CC2D1B: variants seen among roughly 807,000 people sequenced by gnomAD.
CC2D1B encodes coiled-coil and C2 domain containing 1B, also known as coiled-coil and C2 domain-containing protein 1B.
A neutral mutation model predicts 110.8 loss-of-function variants in CC2D1B; 92 were observed. The observed-to-expected ratio is 0.83, with a 90% CI of 0.70 to 0.99. The LOEUF is 0.99. Ranked by LOEUF, CC2D1B falls within the 50% of genes least tolerant of loss-of-function variation. The pLI is 0.00. For missense variants in CC2D1B, 1,136 were observed against 1,089.0 expected (o/e 1.04, Z -0.61); for synonymous variants, 406 against 429.2 (o/e 0.95, Z 0.67).
chr1:52,353,791 C>A (rs1015533207), intron 23 of CC2D1B, 144 bp from the exon 24 acceptor site: 1 of 597,392 alleles, frequency 1.7e-6, no homozygotes, highest in East Asian at 2.9e-5. Flanking sequence ...GAAAACCCTA[C>A]CCTCCCAGTA....
At position 52,353,580 on chromosome 1, in the gene CC2D1B, C is replaced by T. The variant is rs763563610; in HGVS notation, c.2498G>A (p.Ser833Asn). The change falls in exon 24 of 25, where the codon AGT becomes AAT. Residue 833 changes from serine (S) to asparagine (N), a missense_variant. Transcript: ENST00000284376. ...AGTGACCATCTGCACATCCTGGCCA[C>T]TCAGAGGCTCCCGCAGCCTCACCTT... ...EVKVRLREPL[S>N]GQDVQMVTEN... 6 of 1,614,004 alleles carry T rather than the reference C, an allele frequency of 3.7e-6. No individual in the cohort carries two copies. Among genetic ancestry groups the T allele is most frequent in the East Asian group, 2.2e-5 (1 of 44,876 alleles).
intron 24 of CC2D1B, 100 bp from the exon 25 acceptor site, chr1:52,353,323 T>TAGA: frequency 6.8e-7 from 1 of 1,473,914 alleles, no homozygotes; most frequent in Non-Finnish European, 9.0e-7. Flanking sequence ...AGATAGATAG[T>TAGA]TAAACCTTGG....
chr1:52,362,813 A>T, intron 2 of CC2D1B, 67 bp from the exon 3 acceptor site: 2 of 1,550,054 alleles, frequency 1.3e-6, no homozygotes, highest in East Asian at 2.3e-5. Context: ...CCAGAGCCAG[A>T]CTTGGGGCTC....
At chr1:52,358,170 T>C in intron 13 of CC2D1B, 161 bp downstream of exon 13, 1 of 1,041,690 alleles carries the variant, frequency 9.6e-7, no homozygotes, top group Non-Finnish European at 1.4e-6. Flanking sequence ...ATCCTAGTTC[T>C]GCTATTTCCT....
chr1:52,363,180 G>T (rs1646818112), intron 2 of CC2D1B, among the ~76,000 whole-genome samples: 1 of 151,634 alleles, frequency 6.6e-6, no homozygotes. Flanking sequence ...GGATCACGAG[G>T]TCAGGAGATG....
Position 52,359,735 on chromosome 1 carries a change from G to C in CC2D1B, c.912C>G (p.Asp304Glu). ...CAATCCTCATGAGCTCTCGGGCACG[G>C]TCTAGCTCTCCAGCCCGCTTGGCAC... ...ALSAKRAGEL[D>E]RARELMRIGK... is the part of the protein sequence containing the mutation. The change falls in exon 8 of 25, where the codon GAC (aspartate) becomes GAG (glutamate). Residue 304 changes from aspartate (D) to glutamate (E), a missense_variant. Physicochemically the swap from Asp to Glu is conservative, Grantham distance 45 (BLOSUM62 2). Transcript: ENST00000284376. 3 of 1,608,600 alleles carry C rather than the reference G, an allele frequency of 1.9e-6. No homozygotes were observed. Among genetic ancestry groups the C allele is most frequent in the Non-Finnish European group, 1.7e-6 (2 of 1,177,584 alleles).
chr1:52,362,084 A>G (rs1465701684), intron 3 of CC2D1B, among the ~76,000 whole-genome samples: 1 of 152,212 alleles, frequency 6.6e-6, no homozygotes, highest in Non-Finnish European at 1.5e-5. Context: ...CCAAGGCAGG[A>G]GCAGTGAGCC....
At chr1:52,361,845 C>T (rs1321621816) in intron 3 of CC2D1B, among the ~76,000 whole-genome samples, 1 of 152,224 alleles carries the variant, frequency 6.6e-6, no homozygotes, top group Non-Finnish European at 1.5e-5. Context: ...GCACCTCTGC[C>T]TACGGTAGCC....
At chr1:52,358,153 G>A in intron 13 of CC2D1B, 178 bp downstream of exon 13, 1 of 970,838 alleles carries the variant, frequency 1.0e-6, no homozygotes, top group Non-Finnish European at 1.5e-6. Flanking sequence ...GAAAGACCTT[G>A]GTTTGAATCC....
At position 52,358,845 on chromosome 1, in the gene CC2D1B, G is replaced by A. The variant is rs551667324; in HGVS notation, c.1258-87C>T. 35 of 1,462,678 alleles carry A rather than the reference G, an allele frequency of 2.4e-5. No homozygotes were observed. In the South Asian group the frequency reaches 4.2e-4, roughly 18 times the overall value. The allele number at this position is 1,462,678 out of a possible 1,614,324, so 90.6% of individuals were successfully genotyped here. On this transcript the variant is annotated intron_variant, in intron 11 of 24. Coordinates refer to ENST00000284376, the MANE Select transcript of CC2D1B (RefSeq NM_001330585.2). ...ATGACACACAGTGGGGCAAGGAGAGGGAGACTGGTGGGAAGACAGCAGCCC... is the reference window on the plus strand; with the variant it reads ...ATGACACACAGTGGGGCAAGGAGAGAGAGACTGGTGGGAAGACAGCAGCCC...
chr1:52,359,286 G>C lies in CC2D1B; in HGVS notation c.1090C>G (p.Gln364Glu). The change falls in exon 10 of 25, where the codon CAG becomes GAG. Residue 364 changes from glutamine (Q) to glutamate (E), a missense_variant. Physicochemically the swap from Gln to Glu is conservative, Grantham distance 29. Coordinates refer to ENST00000284376, the MANE Select transcript of CC2D1B (RefSeq NM_001330585.2). ...GGGACGTCAGGGGCCATCACTGGCTGCACTCGCTCCACGGCTGGGGGAATG... is the reference window on the plus strand; with the variant it reads ...GGGACGTCAGGGGCCATCACTGGCTCCACTCGCTCCACGGCTGGGGGAATG... ...SVIPPAVERV[Q>E]PVMAPDVPAT... 4 of 1,613,214 alleles carry C rather than the reference G, an allele frequency of 2.5e-6. No homozygotes were observed. The highest frequency in any genetic ancestry group is 3.4e-6 in the Non-Finnish European group (4 of 1,179,670).
At chr1:52,353,248 A>AAGTC (rs1646563951) in intron 24 of CC2D1B, 25 bp from the exon 25 acceptor site, 1 of 1,402,976 alleles carries the variant, frequency 7.1e-7, no homozygotes, top group Non-Finnish European at 9.5e-7. Flanking sequence ...AAAGCACAAG[A>AAGTC]AGTCAGTCTA....
Position 52,360,499 on chromosome 1 carries a change from GT to G in CC2D1B, c.527del (p.Asn176ThrfsTer25), listed in dbSNP as rs750357159. The G allele has an allele frequency of 6.2e-7, 1 of 1,614,144 alleles. No individual in the cohort carries two copies. Among genetic ancestry groups the G allele is most frequent in the South Asian group, 1.1e-5 (1 of 91,084 alleles). On this transcript the variant is annotated frameshift_variant, in exon 6 of 25. Coordinates refer to ENST00000284376, the MANE Select transcript of CC2D1B (RefSeq NM_001330585.2). LOFTEE classifies it high-confidence loss of function. ...TGGCACTGGCCGCAGCCTCTCGGTA[GT>G]TGTGAATCCGTTCCTCCAGCAAAGC... The part of the protein sequence containing the change: ...LHALLEERIH[N>X]YREAAASAKE...
At chr1:52,362,824 T>A in intron 2 of CC2D1B, 78 bp from the exon 3 acceptor site, 3 of 1,463,480 alleles carry the variant, frequency 2.0e-6, no homozygotes, top group Non-Finnish European at 1.9e-6. Context: ...CTTGGGGCTC[T>A]CCAAGTCCCA....
chr1:52,352,471 T>TA lies in CC2D1B; in HGVS notation c.*753dup, dbSNP rs1646546253. On this transcript the variant is annotated 3_prime_UTR_variant, in exon 25 of 25. Coordinates refer to ENST00000284376, the MANE Select transcript of CC2D1B (RefSeq NM_001330585.2). Reference sequence around the variant, plus strand: ...TTAGGACTTTGGTGGATACTCTGTATAGTTGAGTATAAAATCCCTACAATG... The same window carrying TA: ...TTAGGACTTTGGTGGATACTCTGTATAAGTTGAGTATAAAATCCCTACAATG... 1 of 152,644 alleles carries TA rather than the reference T, an allele frequency of 6.6e-6. No individual in the cohort carries two copies. The highest frequency in any genetic ancestry group is 2.4e-5 in the African/African-American group (1 of 41,454). The allele number at this position is 152,644 out of a possible 1,614,324, so 9.5% of individuals were successfully genotyped here. A position where few individuals can be genotyped will look rare whatever the true frequency, so the allele number is the denominator to read the frequency against.
rs757332239 is a variant in CC2D1B at position 52,355,725 on chromosome 1, G to A, written c.2128+46C>T. On this transcript the variant is annotated intron_variant, in intron 19 of 24. Transcript: ENST00000284376. ...AGTGGCCAGGAGCCTAGCACTTGGA[G>A]TGTCCGGGCAAGAGCCTCCTGGAGT... 41 of 1,613,482 alleles carry A rather than the reference G, an allele frequency of 2.5e-5. No individual in the cohort carries two copies. In the South Asian group the frequency reaches 4.2e-4, roughly 16 times the overall value.
chr1:52,357,582 A>T lies in CC2D1B; in HGVS notation c.1696T>A (p.Trp566Arg). 1 of 1,585,916 alleles carries T rather than the reference A, an allele frequency of 6.3e-7. No homozygotes were observed. Among genetic ancestry groups the T allele is most frequent in the Non-Finnish European group, 8.6e-7 (1 of 1,164,796 alleles). Residue 566 changes from tryptophan (W) to arginine (R), a missense_variant, in exon 15 of 25, where the codon TGG (tryptophan) becomes AGG (arginine). Physicochemically the swap from Trp to Arg is moderately radical, Grantham distance 101. Transcript: ENST00000284376. Reference sequence around the variant, plus strand: ...GCCTGGATGATCTGAGCCTCAAGCCATTTGGCTACCCGCAGATAGGCTTTG... The same window carrying T: ...GCCTGGATGATCTGAGCCTCAAGCCTTTTGGCTACCCGCAGATAGGCTTTG... Reference protein sequence around the residue: ...QAKAYLRVAKWLEAQIIQARS... With the variant: ...QAKAYLRVAKRLEAQIIQARS...
intron 22 of CC2D1B, 52 bp downstream of exon 22, chr1:52,354,788 C>A (rs41312652): frequency 1.9e-6 from 3 of 1,600,928 alleles, no homozygotes; most frequent in Admixed American, 3.3e-5. Flanking sequence ...CAGTGACAAA[C>A]GCTCTTCCCT....
At position 52,354,812 on chromosome 1, in the gene CC2D1B, G is replaced by A. The variant is rs763307100; in HGVS notation, c.2339+28C>T. The stretch of plus-strand genomic sequence containing the variant: ...ACGCTCTTCCCTCCTCCCGGCCCGT[G>A]TGGCAGCATGACCGATAGGAGCCTC... On this transcript the variant is annotated intron_variant, in intron 22 of 24. Transcript: ENST00000284376. 9 of 1,607,094 alleles carry A rather than the reference G, an allele frequency of 5.6e-6. No individual in the cohort carries two copies. In the South Asian group the frequency reaches 9.9e-5, roughly 18 times the overall value.
Sources: gnomAD v4.1 joint callset for allele counts (sites outside exome capture counted in the v4.1 genomes callset) on GRCh38, gnomAD v4.1.1 for gene constraint, MANE v1.5 for transcripts, NCBI Gene and HGNC (gene_info 2026-07-23, HGNC 2026-07-21) for gene names.